CALB1: variants seen among roughly 807,000 people sequenced by gnomAD.
CALB1 encodes calbindin.
In CALB1, 16 loss-of-function variants were observed where a neutral mutation model predicts 46.7. That is an observed-to-expected ratio of 0.34 (90% CI 0.23 to 0.52). CALB1 has a LOEUF of 0.52. CALB1 is among the 20% of genes least tolerant of loss of function. The pLI is 0.95. For missense variants in CALB1, 224 were observed against 300.3 expected, an observed-to-expected ratio of 0.75 and a Z score of 1.88; for synonymous variants, 90 against 112.8, an observed-to-expected ratio of 0.80 and a Z score of 1.28.
chr8:90,072,861 C>T (rs1451846251), intron 3 of CALB1, among the ~76,000 whole-genome samples: 1 of 152,026 alleles, frequency 6.6e-6, no homozygotes, highest in African/African-American at 2.4e-5. Flanking sequence ...TATGAACTCC[C>T]AAAACTTTTT....
intron 3 of CALB1, among the ~76,000 whole-genome samples, chr8:90,071,859 C>T (rs1241871585): frequency 1.3e-5 from 2 of 152,128 alleles, no homozygotes; most frequent in African/African-American, 4.8e-5. Flanking sequence ...TTGTTAGATA[C>T]TTCTTACAAT....
intron 3 of CALB1, among the ~76,000 whole-genome samples, chr8:90,071,524 A>C (rs1213026539): frequency 2.0e-5 from 3 of 152,118 alleles, no homozygotes; most frequent in Non-Finnish European, 4.4e-5. Context: ...TTCTATAATA[A>C]TACTTTCCTG....
At chr8:90,061,602 C>T (rs1217596770) in intron 9 of CALB1, 2 of 151,898 alleles carry the variant, frequency 1.3e-5, no homozygotes, top group Non-Finnish European at 2.9e-5. Context: ...ATTAGAAAAT[C>T]CCATTTACAA....
chr8:90,078,561 T>G (rs1814662776), intron 2 of CALB1, 114 bp from the exon 3 acceptor site: 1 of 621,530 alleles, frequency 1.6e-6, no homozygotes, highest in African/African-American at 1.9e-5. Context: ...TTTAGAAATA[T>G]GCATAATGAT....
chr8:90,067,659 A>G (rs1056833062), intron 5 of CALB1, among the ~76,000 whole-genome samples: 1 of 152,172 alleles, frequency 6.6e-6, no homozygotes, highest in African/African-American at 2.4e-5. Context: ...ATGCTACTCA[A>G]ACTATGTTGA....
In CALB1 at chr8:90,058,908, A is replaced by T. The variant is rs1814246251; in HGVS notation, c.*1265T>A. ...TAAATTTCACATGGACACATCTCTC[A>T]TAGCTCCCTGTTTCACAATCAAAGA... On this transcript the variant is annotated 3_prime_UTR_variant, in exon 11 of 11. Coordinates refer to ENST00000265431, the MANE Select transcript of CALB1 (RefSeq NM_004929.4). The T allele has an allele frequency of 6.6e-6, 1 of 152,236 alleles. No individual in the cohort carries two copies. Among genetic ancestry groups the T allele is most frequent in the East Asian group, 1.9e-4 (1 of 5,196 alleles). 9.4% of individuals were successfully genotyped at this position (152,236 alleles called of 1,614,324 possible).
chr8:90,060,877 G>A, intron 9 of CALB1, 177 bp from the exon 10 acceptor site: 1 of 602,800 alleles, frequency 1.7e-6, no homozygotes, highest in Non-Finnish European at 3.0e-6. Flanking sequence ...AATATGCAAG[G>A]TATTAGTTAC....
intron 5 of CALB1, 37 bp from the exon 6 acceptor site, chr8:90,066,012 AT>A: frequency 7.8e-7 from 1 of 1,288,796 alleles, no homozygotes; most frequent in Non-Finnish European, 1.1e-6. Context: ...AATTTCATTA[AT>A]AATATATCGT....
chr8:90,081,193 G>T (rs1297054134), intron 2 of CALB1, among the ~76,000 whole-genome samples: 2 of 152,110 alleles, frequency 1.3e-5, no homozygotes, highest in African/African-American at 4.8e-5. Flanking sequence ...ATGGTTATTT[G>T]TTTAATTAAC....
intron 3 of CALB1, among the ~76,000 whole-genome samples, chr8:90,072,821 T>C (rs1814556602): frequency 6.6e-6 from 1 of 152,246 alleles, no homozygotes; most frequent in African/African-American, 2.4e-5. Flanking sequence ...TTGGTGATTC[T>C]GTAATCTTTG....
Position 90,082,010 on chromosome 8 carries a change from G to A in CALB1, c.156+16C>T, listed in dbSNP as rs1328407290. On this transcript the variant is annotated intron_variant, in intron 2 of 10. Coordinates refer to ENST00000265431, the MANE Select transcript of CALB1 (RefSeq NM_004929.4). ...GGTTAAAAGTCTTTTTTTCTTTTTC[G>A]CAAACTTGAACCTACCAATCCAGCC... The A allele has an allele frequency of 3.1e-6, 5 of 1,592,404 alleles. No homozygotes were observed. Among genetic ancestry groups the A allele is most frequent in the Middle Eastern group, 3.4e-4 (2 of 5,970 alleles).
At chr8:90,063,898 TTTTTGAATAA>T (rs1245853069) in intron 6 of CALB1, 2 of 155,972 alleles carry the variant, frequency 1.3e-5, no homozygotes, top group African/African-American at 4.8e-5. Context: ...CAGAACAGAA[TTTTTGAATAA>T]TTTTGAATTG....
intron 3 of CALB1, among the ~76,000 whole-genome samples, chr8:90,072,310 T>A (rs1368907149): frequency 1.3e-5 from 2 of 152,200 alleles, no homozygotes; most frequent in African/African-American, 4.8e-5. Flanking sequence ...GATACAGAGA[T>A]AGTAAAAATG....
At chr8:90,068,469 G>C (rs1814439628) in intron 5 of CALB1, among the ~76,000 whole-genome samples, 1 of 152,144 alleles carries the variant, frequency 6.6e-6, no homozygotes, top group Non-Finnish European at 1.5e-5. Context: ...AGACAAGCCT[G>C]GATTTGCACA....
rs541133663 is a variant in CALB1 at position 90,074,875 on chromosome 8, T to A, written c.231+3498A>T. Among the ~76,000 whole-genome samples, 13 of 152,286 alleles carry A rather than the reference T, an allele frequency of 8.5e-5. No homozygotes were observed. The East Asian group carries it at 2.5e-3, about 29-fold the overall frequency. ...AGATTTGACACCCATTTAAGAGAAA[T>A]ACCTATATTTCATGTGAACACCAGA... On this transcript the variant is annotated intron_variant, in intron 3 of 10. Coordinates refer to ENST00000265431, the MANE Select transcript of CALB1 (RefSeq NM_004929.4).
intron 3 of CALB1, among the ~76,000 whole-genome samples, chr8:90,070,309 C>T (rs1243013902): frequency 5.9e-5 from 9 of 152,168 alleles, no homozygotes; most frequent in Admixed American, 5.9e-4. Context: ...GATGAATTCC[C>T]TAGATCACGG....
At chr8:90,061,853 A>C (rs1408016581) in intron 9 of CALB1, 2 of 152,126 alleles carry the variant, frequency 1.3e-5, no homozygotes, top group African/African-American at 2.4e-5. Flanking sequence ...AAATAAAAAA[A>C]CCCTAAAATT....
intron 1 of CALB1, 172 bp downstream of exon 1, chr8:90,082,447 G>A (rs911720434): frequency 6.2e-6 from 4 of 649,732 alleles, no homozygotes; most frequent in Non-Finnish European, 1.1e-5. Context: ...AAACTTTCAG[G>A]TTGACAGTTT....
intron 3 of CALB1, among the ~76,000 whole-genome samples, chr8:90,070,857 T>TGTGTGTGA (rs1231559831): frequency 2.8e-4 from 33 of 118,038 alleles, no homozygotes; most frequent in African/African-American, 7.4e-4. Flanking sequence ...TGTGTGTGTG[T>TGTGTGTGA]GTGTGTGTGT....
Sources: allele counts gnomAD v4.1 joint callset (sites outside exome capture counted in the v4.1 genomes callset), GRCh38; gene constraint gnomAD v4.1.1; transcripts MANE v1.5; gene names NCBI Gene and HGNC (gene_info 2026-07-23, HGNC 2026-07-21).